PRAG1: variants seen among roughly 807,000 people sequenced by gnomAD.
PRAG1 encodes the protein PEAK1 related, kinase-activating pseudokinase 1.
PRAG1 carries 110 observed loss-of-function variants against 95.6 expected under a neutral mutation model. The ratio of observed to expected loss-of-function variants is 1.15; its 90% CI spans 0.99 to 1.35. PRAG1 has a LOEUF of 1.35. Ranked by LOEUF, PRAG1 falls within the 40% of genes most tolerant of loss-of-function variation. The pLI is 0.00. For missense variants in PRAG1, 2,554 were observed against 1,864.7 expected, an observed-to-expected ratio of 1.37 and a Z score of -6.81; for synonymous variants, 1,052 against 819.4, an observed-to-expected ratio of 1.28 and a Z score of -4.85.
intron 3 of PRAG1, among the ~76,000 whole-genome samples, chr8:8,356,067 C>G (rs1181028643): frequency 6.6e-6 from 1 of 152,160 alleles, no homozygotes; most frequent in Non-Finnish European, 1.5e-5. Context: ...AGAATTCTTA[C>G]AACTCAATAG....
At chr8:8,358,326 G>C (rs1799743807) in intron 3 of PRAG1, among the ~76,000 whole-genome samples, 1 of 152,178 alleles carries the variant, frequency 6.6e-6, no homozygotes, top group South Asian at 2.1e-4. Context: ...CAGAGGTTCT[G>C]CTATTCAGAA....
intron 3 of PRAG1, among the ~76,000 whole-genome samples, chr8:8,368,455 A>T (rs143165305): frequency 5.3e-4 from 80 of 152,346 alleles, no homozygotes; most frequent in African/African-American, 1.9e-3. Flanking sequence ...AGCACAGAGG[A>T]TGCAGACTCT....
rs1798703036 is a variant in PRAG1, at chr8:8,328,184, C to T, written c.2598G>A (p.Leu866=). The change falls in exon 5 of 6, where the codon TTG becomes TTA. Residue 866 remains leucine (L), a synonymous_variant. Coordinates refer to ENST00000615670, the MANE Select transcript of PRAG1 (RefSeq NM_001080826.3). The stretch of plus-strand genomic sequence containing the variant: ...CAGGATGGTGGCGGTTCCCGGGGCT[C>T]AACGAATAGCTAAAGTGAGATTCGT... ...VHDESHFSYS[L]SPGNRHHPVF... is the part of the protein sequence containing the mutation. 5 of 1,614,042 alleles carry T rather than the reference C, an allele frequency of 3.1e-6. No homozygotes were observed. The East Asian group carries it at 6.7e-5, about 22-fold the overall frequency.
At chr8:8,344,903 G>T (rs1038028186) in intron 3 of PRAG1, among the ~76,000 whole-genome samples, 2 of 152,138 alleles carry the variant, frequency 1.3e-5, no homozygotes, top group Admixed American at 6.5e-5. Flanking sequence ...TTGCATCATA[G>T]ACCTAACTAC....
chr8:8,341,780 C>G (rs1408257803), intron 3 of PRAG1, among the ~76,000 whole-genome samples: 1 of 152,158 alleles, frequency 6.6e-6, no homozygotes, highest in Non-Finnish European at 1.5e-5. Flanking sequence ...GAGGCTAGCC[C>G]ATAATTTTTC....
intron 3 of PRAG1, among the ~76,000 whole-genome samples, chr8:8,354,175 T>G (rs539215723): frequency 6.6e-6 from 1 of 151,964 alleles, no homozygotes. Context: ...ACAAATTGGA[T>G]GACAGAGAGA....
At position 8,370,622 on chromosome 8, in the gene PRAG1, T is replaced by C. The variant is rs570529543; in HGVS notation, c.2162+5625A>G. Reference sequence around the variant, plus strand: ...CAGAAAGGGCCTCTAGAAGAACACATTGGAAGCTCTAATCAGATTCGATGT... The same window carrying C: ...CAGAAAGGGCCTCTAGAAGAACACACTGGAAGCTCTAATCAGATTCGATGT... On this transcript the variant is annotated intron_variant, in intron 3 of 5. Transcript: ENST00000615670. Among the ~76,000 whole-genome samples, 11 of 152,260 alleles carry C rather than the reference T, an allele frequency of 7.2e-5. No homozygotes were observed. In the South Asian group the frequency reaches 8.3e-4, roughly 11 times the overall value.
chr8:8,376,436 G>C lies in PRAG1; in HGVS notation c.1973C>G (p.Thr658Ser), dbSNP rs1487716972. The change falls in exon 3 of 6, where the codon ACC (threonine) becomes AGC (serine). Residue 658 changes from threonine to serine, a missense_variant. Thr to Ser is a moderately conservative substitution (Grantham distance 58). Coordinates refer to ENST00000615670, the MANE Select transcript of PRAG1 (RefSeq NM_001080826.3). ...ELLSHSWGRE[T>S]KNGPTDHSNS... Reference sequence around the variant, plus strand: ...TGAATGGTCCGTGGGGCCATTTTTGGTCTCTCTTCCCCAGCTGTGACTCAG... The same window carrying C: ...TGAATGGTCCGTGGGGCCATTTTTGCTCTCTCTTCCCCAGCTGTGACTCAG... 3 of 1,613,978 alleles carry C rather than the reference G, an allele frequency of 1.9e-6. No homozygotes were observed. Among genetic ancestry groups the C allele is most frequent in the Middle Eastern group, 1.6e-4 (1 of 6,084 alleles).
chr8:8,339,058 G>A (rs146384445), intron 4 of PRAG1, among the ~76,000 whole-genome samples: 338 of 152,236 alleles, frequency 2.2e-3, no homozygotes, highest in African/African-American at 8.0e-3. Context: ...GCTGTGTCCA[G>A]TAAGTGTGTA....
intron 4 of PRAG1, among the ~76,000 whole-genome samples, chr8:8,328,715 T>C (rs947287868): frequency 2.0e-5 from 3 of 152,176 alleles, no homozygotes; most frequent in Admixed American, 2.0e-4. Flanking sequence ...AGGAAACCAC[T>C]GTCAGTAGTG....
At position 8,319,104 on chromosome 8, in the gene PRAG1, TGAC is replaced by T; in HGVS notation, c.3268_3270del (p.Val1090del). On this transcript the variant is annotated inframe_deletion, in exon 6 of 6. Transcript: ENST00000615670. ...GTCTGATGTGGCACCTCTCGGGTGA[TGAC>T]CACCACGCAGTCCTGCTCCTGGGCA... 1 of 1,609,686 alleles carries T rather than the reference TGAC, an allele frequency of 6.2e-7. No homozygotes were observed. Among genetic ancestry groups the T allele is most frequent in the South Asian group, 1.1e-5 (1 of 90,926 alleles).
intron 3 of PRAG1, among the ~76,000 whole-genome samples, chr8:8,372,106 C>G (rs1233637670): frequency 6.6e-6 from 1 of 152,120 alleles, no homozygotes; most frequent in Non-Finnish European, 1.5e-5. Context: ...CCTAGTCACC[C>G]AAAAGTCATT....
chr8:8,373,664 G>C lies in PRAG1; in HGVS notation c.2162+2583C>G, dbSNP rs1176067302. Among the ~76,000 whole-genome samples, 8 of 152,054 alleles carry C rather than the reference G, an allele frequency of 5.3e-5. 1 individual carries two copies. The highest frequency in any genetic ancestry group is 1.5e-5 in the Non-Finnish European group (1 of 68,004). Reference sequence around the variant, plus strand: ...GACTGGGTTTCACCATGTTGCCCAGGTTGGTCTCAAAGTCCTGGGCTCAAG... The same window carrying C: ...GACTGGGTTTCACCATGTTGCCCAGCTTGGTCTCAAAGTCCTGGGCTCAAG... On this transcript the variant is annotated intron_variant, in intron 3 of 5. Transcript: ENST00000615670.
At chr8:8,364,825 GA>G (rs1799951406) in intron 3 of PRAG1, among the ~76,000 whole-genome samples, 1 of 152,072 alleles carries the variant, frequency 6.6e-6, no homozygotes, top group Non-Finnish European at 1.5e-5. Flanking sequence ...CTCAGACCCT[GA>G]ACTGTAAGGA....
chr8:8,366,263 A>C (rs1195691403), intron 3 of PRAG1, among the ~76,000 whole-genome samples: 2 of 152,030 alleles, frequency 1.3e-5, no homozygotes, highest in African/African-American at 4.8e-5. Flanking sequence ...TCATCTGCCA[A>C]ACAGAAGTGG....
chr8:8,340,404 A>G (rs1172671075), intron 3 of PRAG1, among the ~76,000 whole-genome samples: 2 of 152,206 alleles, frequency 1.3e-5, no homozygotes, highest in Non-Finnish European at 2.9e-5. Flanking sequence ...CCCACTTTCC[A>G]AGGGCCACAT....
At chr8:8,363,011 A>C (rs1430167074) in intron 3 of PRAG1, among the ~76,000 whole-genome samples, 1 of 151,702 alleles carries the variant, frequency 6.6e-6, no homozygotes, top group Non-Finnish European at 1.5e-5. Flanking sequence ...ATGCCTGAGC[A>C]AGCCAAAACT....
intron 3 of PRAG1, among the ~76,000 whole-genome samples, chr8:8,345,042 G>T (rs1012013015): frequency 1.7e-5 from 2 of 120,848 alleles, no homozygotes; most frequent in Admixed American, 1.6e-4. Context: ...TAAATTATCC[G>T]CAGGGTGTGT....
chr8:8,351,729 A>G (rs775858385), intron 3 of PRAG1, among the ~76,000 whole-genome samples: 8 of 152,152 alleles, frequency 5.3e-5, no homozygotes, highest in Non-Finnish European at 1.2e-4. Context: ...CGCTTTCAGT[A>G]TATAAAGATC....
Sources: gnomAD v4.1 joint callset for allele counts (sites outside exome capture counted in the v4.1 genomes callset) on GRCh38, gnomAD v4.1.1 for gene constraint, MANE v1.5 for transcripts, NCBI Gene and HGNC (gene_info 2026-07-23, HGNC 2026-07-21) for gene names.